The following PRKCB variants were observed in gnomAD, a reference collection of about 807,000 sequenced individuals.
The protein encoded by PRKCB is protein kinase C beta.
Under a neutral mutation model 81.5 loss-of-function variants are expected in PRKCB, and 13 were observed. That is an observed-to-expected ratio of 0.16 (90% CI 0.10 to 0.25). The LOEUF (loss-of-function observed/expected upper bound fraction) is 0.25, where lower values mean the gene tolerates loss of function less well. Ranked by LOEUF, PRKCB falls within the 10% of genes least tolerant of loss-of-function variation. PRKCB has a pLI of 1.00. For synonymous variants in PRKCB, 335 were observed against 321.4 expected (o/e 1.04, Z -0.45); for missense variants, 509 against 875.7 (o/e 0.58, Z 5.29).
At chr16:24,125,104 C>CT (rs201225799) in intron 9 of PRKCB, among the ~76,000 whole-genome samples, 36 of 24,658 alleles carry the variant, frequency 1.5e-3, no homozygotes, top group East Asian at 7.1e-3. Context: ...CAATCCCAAT[C>CT]TTGTTACCTA....
intron 16 of PRKCB, among the ~76,000 whole-genome samples, chr16:24,195,063 C>T (rs1296003330): frequency 1.3e-5 from 2 of 151,944 alleles, no homozygotes; most frequent in Non-Finnish European, 2.9e-5. Flanking sequence ...CGTTGGTGGG[C>T]GTGATAGCAT....
intron 2 of PRKCB, among the ~76,000 whole-genome samples, chr16:23,985,593 A>C (rs1964793610): frequency 6.6e-6 from 1 of 152,244 alleles, no homozygotes; most frequent in Non-Finnish European, 1.5e-5. Flanking sequence ...GGCATCAATT[A>C]TCTTGAATTT....
chr16:24,154,959 C>T, intron 10 of PRKCB, 102 bp downstream of exon 10: 2 of 1,335,784 alleles, frequency 1.5e-6, no homozygotes, highest in South Asian at 1.4e-5. Context: ...CTGCACCCTT[C>T]CCTTTCTAGA....
chr16:23,976,939 C>T (rs1183345256), intron 2 of PRKCB, among the ~76,000 whole-genome samples: 1 of 152,198 alleles, frequency 6.6e-6, no homozygotes, highest in African/African-American at 2.4e-5. Flanking sequence ...TTCTTTTCCT[C>T]ATGTTGGCTC....
intron 5 of PRKCB, among the ~76,000 whole-genome samples, chr16:24,092,479 T>G (rs924044163): frequency 6.6e-6 from 1 of 152,238 alleles, no homozygotes; most frequent in African/African-American, 2.4e-5. Context: ...GAAAACGTTA[T>G]GCTAAATGAA....
intron 15 of PRKCB, among the ~76,000 whole-genome samples, chr16:24,189,284 A>G (rs1318608989): frequency 1.3e-5 from 2 of 152,114 alleles, no homozygotes; most frequent in Non-Finnish European, 2.9e-5. Flanking sequence ...TTCAAATGGG[A>G]AAAATAGTAT....
intron 2 of PRKCB, among the ~76,000 whole-genome samples, chr16:23,901,521 G>T (rs559070277): frequency 6.6e-6 from 1 of 152,158 alleles, no homozygotes; most frequent in South Asian, 2.1e-4. Flanking sequence ...GAGGGAATTC[G>T]AAGAGGAGGA....
chr16:24,038,663 C>T (rs1443964932), intron 5 of PRKCB, among the ~76,000 whole-genome samples: 2 of 152,326 alleles, frequency 1.3e-5, no homozygotes, highest in East Asian at 1.9e-4. Context: ...GCCGAGTTCT[C>T]TAAAAATAGA....
chr16:24,042,052 C>T lies in PRKCB; in HGVS notation c.529+6505C>T, dbSNP rs1007182129. Among the ~76,000 whole-genome samples the T allele has an allele frequency of 2.0e-5, 3 of 151,014 alleles. No individual in the cohort carries two copies. In the South Asian group the frequency reaches 6.3e-4, roughly 32 times the overall value. Reference sequence around the variant, plus strand: ...AAACAAGAAAAAAAAATCCAGATAGCTTAATATTTATTTTTGTTTAACTTT... The same window carrying T: ...AAACAAGAAAAAAAAATCCAGATAGTTTAATATTTATTTTTGTTTAACTTT... On this transcript the variant is annotated intron_variant, in intron 5 of 16. Transcript: ENST00000643927.
intron 2 of PRKCB, 102 bp downstream of exon 2, chr16:23,837,508 T>C (rs1464514443): frequency 1.3e-5 from 19 of 1,425,100 alleles, no homozygotes; most frequent in Non-Finnish European, 1.8e-5. Flanking sequence ...AGAATCACGT[T>C]GGTCGGAGTG....
In PRKCB at chr16:24,052,250, A is replaced by T. The variant is rs76166782; in HGVS notation, c.529+16703A>T. On this transcript the variant is annotated intron_variant, in intron 5 of 16. Transcript: ENST00000643927. ...ATCATCTAGAGAGTGCCCCACCCTCAGAGTTTCTGATTCAGTAGACATTGA... is the reference window on the plus strand; with the variant it reads ...ATCATCTAGAGAGTGCCCCACCCTCTGAGTTTCTGATTCAGTAGACATTGA... 4.9e-3 allele frequency among the ~76,000 whole-genome samples: 739 copies of T among 152,318 alleles called. 4 individuals are homozygous for T. Among genetic ancestry groups the T allele is most frequent in the African/African-American group, 0.017 (707 of 41,578 alleles).
chr16:24,057,822 T>C (rs1232600530), intron 5 of PRKCB, among the ~76,000 whole-genome samples: 1 of 152,156 alleles, frequency 6.6e-6, no homozygotes. Flanking sequence ...TATTTTCTAC[T>C]TTGAAAGATG....
At chr16:24,064,307 A>G (rs1454174263) in intron 5 of PRKCB, among the ~76,000 whole-genome samples, 1 of 152,202 alleles carries the variant, frequency 6.6e-6, no homozygotes, top group Non-Finnish European at 1.5e-5. Flanking sequence ...TTAAGGCTAC[A>G]CATTTTCCTT....
intron 15 of PRKCB, among the ~76,000 whole-genome samples, chr16:24,187,679 G>A (rs1260620200): frequency 7.2e-6 from 1 of 139,360 alleles, no homozygotes; most frequent in East Asian, 2.0e-4. Context: ...GTTTTGTTTT[G>A]TTTTGTTTTG....
At chr16:24,158,038 C>T (rs972204054) in intron 10 of PRKCB, among the ~76,000 whole-genome samples, 1 of 152,146 alleles carries the variant, frequency 6.6e-6, no homozygotes, top group African/African-American at 2.4e-5. Context: ...ATTGCTTTCT[C>T]AGTTGTTGAG....
intron 9 of PRKCB, among the ~76,000 whole-genome samples, chr16:24,130,623 A>G (rs1483853221): frequency 6.6e-6 from 1 of 152,052 alleles, no homozygotes; most frequent in Non-Finnish European, 1.5e-5. Context: ...TAAGTTTAAG[A>G]CGTTTAAGAC....
intron 2 of PRKCB, among the ~76,000 whole-genome samples, chr16:23,927,485 T>A (rs1331574363): frequency 1.3e-5 from 2 of 151,938 alleles, no homozygotes; most frequent in African/African-American, 4.8e-5. Flanking sequence ...GAGCCTTTTC[T>A]TTTTTCTAAG....
At chr16:23,863,196 G>GTA (rs1199394271) in intron 2 of PRKCB, among the ~76,000 whole-genome samples, 41 of 54,156 alleles carry the variant, frequency 7.6e-4, no homozygotes, top group East Asian at 1.5e-3. Context: ...ACATACATAC[G>GTA]TATATATGTG....
At chr16:24,049,678 A>T (rs1965817266) in intron 5 of PRKCB, among the ~76,000 whole-genome samples, 1 of 152,176 alleles carries the variant, frequency 6.6e-6, no homozygotes, top group Admixed American at 6.6e-5. Flanking sequence ...AGAGAGGGAT[A>T]AAACCAAGTT....
Sources: allele counts gnomAD v4.1 joint callset (sites outside exome capture counted in the v4.1 genomes callset), GRCh38; gene constraint gnomAD v4.1.1; transcripts MANE v1.5; gene names NCBI Gene and HGNC (gene_info 2026-07-23, HGNC 2026-07-21).